The following PHF20 variants were observed in gnomAD, a reference collection of about 807,000 sequenced individuals.
PHF20 encodes glioma-expressed antigen 2.
Under a neutral mutation model 113.5 loss-of-function variants are expected in PHF20, and 23 were observed. That is an observed-to-expected ratio of 0.20 (90% CI 0.15 to 0.29). The LOEUF (loss-of-function observed/expected upper bound fraction) is 0.29. Among genes scored for constraint, PHF20 ranks in the 10% least tolerant of loss-of-function variants. The pLI is 1.00. For missense variants in PHF20, 943 were observed against 1,219.6 expected, an observed-to-expected ratio of 0.77 and a Z score of 3.38; for synonymous variants, 434 against 457.3, an observed-to-expected ratio of 0.95 and a Z score of 0.65.
chr20:35,818,545 G>A (rs1050375973), intron 2 of PHF20, among the ~76,000 whole-genome samples: 1 of 151,762 alleles, frequency 6.6e-6, no homozygotes, highest in African/African-American at 2.4e-5. Context: ...CAGGTGCCTG[G>A]CCTAGCATTT....
chr20:35,784,433 C>CTTTTT (rs35002007), intron 1 of PHF20, among the ~76,000 whole-genome samples: 7 of 110,534 alleles, frequency 6.3e-5, no homozygotes, highest in East Asian at 2.7e-4. Flanking sequence ...ATCCCAAAGA[C>CTTTTT]TTTTTTTTTT....
chr20:35,818,113 G>A (rs1433050713), intron 2 of PHF20, among the ~76,000 whole-genome samples: 1 of 151,790 alleles, frequency 6.6e-6, no homozygotes, highest in Non-Finnish European at 1.5e-5. Context: ...GTGAAACTCC[G>A]TCTCTACTAA....
chr20:35,815,603 C>A (rs1443594747), intron 2 of PHF20, among the ~76,000 whole-genome samples: 11 of 152,108 alleles, frequency 7.2e-5, no homozygotes, highest in Admixed American at 5.9e-4. Flanking sequence ...GTAGCTGGGA[C>A]TACAGGCGCA....
intron 2 of PHF20, among the ~76,000 whole-genome samples, chr20:35,813,927 G>A (rs1391495388): frequency 4.0e-5 from 4 of 99,506 alleles, no homozygotes; most frequent in African/African-American, 9.1e-5. Flanking sequence ...GTGAGACTCC[G>A]TCTCAGAAAA....
intron 12 of PHF20, among the ~76,000 whole-genome samples, chr20:35,915,462 C>G (rs2055387473): frequency 6.6e-6 from 1 of 152,028 alleles, no homozygotes; most frequent in Non-Finnish European, 1.5e-5. Context: ...TCTTGGCTCA[C>G]TGCAACCTCT....
At position 35,918,400 on chromosome 20, in the gene PHF20, G is replaced by C. The variant is rs189822343; in HGVS notation, c.2004+738G>C. ...CAAATATTGTTGGGAAAATAGACTG[G>C]GTCCTAGGGCTCAGAGGCAGGGCTG... On this transcript the variant is annotated intron_variant, in intron 13 of 17. Transcript: ENST00000374012. 4.0e-3 allele frequency among the ~76,000 whole-genome samples: 616 copies of C among 152,214 alleles called. 5 individuals carry two copies. Among genetic ancestry groups the C allele is most frequent in the Non-Finnish European group, 6.4e-3 (433 of 68,002 alleles).
At chr20:35,835,905 G>T (rs1417141969) in intron 2 of PHF20, among the ~76,000 whole-genome samples, 6 of 152,032 alleles carry the variant, frequency 3.9e-5, no homozygotes. Context: ...ACTCCAGCCT[G>T]GGCAACAGCA....
intron 2 of PHF20, among the ~76,000 whole-genome samples, chr20:35,838,758 G>A (rs1272028971): frequency 6.6e-6 from 1 of 151,814 alleles, no homozygotes; most frequent in Non-Finnish European, 1.5e-5. Context: ...GGAGGCTGAC[G>A]CAGGAGGATA....
Position 35,919,015 on chromosome 20 carries a change from G to T in PHF20, c.2004+1353G>T, listed in dbSNP as rs541710833. 5.3e-4 allele frequency among the ~76,000 whole-genome samples: 81 copies of T among 151,966 alleles called. 2 individuals carry two copies. In the East Asian group the frequency reaches 8.3e-3, roughly 16 times the overall value. On this transcript the variant is annotated intron_variant, in intron 13 of 17. Transcript: ENST00000374012. The stretch of plus-strand genomic sequence containing the variant: ...CTGTAGGTTGGCATGGCATGGGTTT[G>T]GTTTTTTTTTTCTTTTTGAGACGGA...
At chr20:35,903,072 C>T (rs1204134354) in intron 10 of PHF20, among the ~76,000 whole-genome samples, 1 of 94,044 alleles carries the variant, frequency 1.1e-5, no homozygotes, top group Non-Finnish European at 2.0e-5. Flanking sequence ...CCTTTCCTAT[C>T]CTTTCTTTTT....
At chr20:35,889,702 TTC>T (rs1042634858) in intron 9 of PHF20, among the ~76,000 whole-genome samples, 7 of 146,152 alleles carry the variant, frequency 4.8e-5, no homozygotes, top group Admixed American at 4.1e-4. Context: ...ACCATGCATA[TTC>T]TGTTTCTTAA....
intron 9 of PHF20, among the ~76,000 whole-genome samples, chr20:35,887,269 A>G (rs1030435492): frequency 5.9e-5 from 9 of 152,176 alleles, no homozygotes; most frequent in Non-Finnish European, 1.3e-4. Flanking sequence ...TGACAGTATT[A>G]CCACAAATAC....
intron 1 of PHF20, among the ~76,000 whole-genome samples, chr20:35,786,933 A>C (rs546318648): frequency 6.7e-6 from 1 of 150,236 alleles, no homozygotes; most frequent in South Asian, 2.1e-4. Flanking sequence ...CCTCCATGTG[A>C]TTATCTTCTT....
chr20:35,781,010 C>T (rs189417015), intron 1 of PHF20, among the ~76,000 whole-genome samples: 63 of 151,896 alleles, frequency 4.1e-4, no homozygotes, highest in African/African-American at 1.4e-3. Flanking sequence ...TGTGCCAACA[C>T]GCCTGGCTAA....
chr20:35,898,222 G>A (rs1444813699), intron 9 of PHF20, among the ~76,000 whole-genome samples: 3 of 152,154 alleles, frequency 2.0e-5, no homozygotes, highest in East Asian at 1.9e-4. Context: ...AACAAAGTAC[G>A]TGTTGAAATC....
chr20:35,820,340 C>A (rs1220984066), intron 2 of PHF20, among the ~76,000 whole-genome samples: 3 of 151,766 alleles, frequency 2.0e-5, no homozygotes, highest in Non-Finnish European at 4.4e-5. Context: ...AGTCCCTGAT[C>A]TTTAGAAGCT....
intron 10 of PHF20, among the ~76,000 whole-genome samples, chr20:35,904,655 T>G (rs893022914): frequency 6.6e-6 from 1 of 152,042 alleles, no homozygotes; most frequent in African/African-American, 2.4e-5. Flanking sequence ...TTGGTAAGGT[T>G]GGGCAGAAGT....
intron 2 of PHF20, among the ~76,000 whole-genome samples, chr20:35,821,629 A>G (rs2042170876): frequency 6.6e-6 from 1 of 152,106 alleles, no homozygotes; most frequent in Non-Finnish European, 1.5e-5. Context: ...ACTTCACTCC[A>G]TCCCAGGTGA....
chr20:35,857,579 T>TTG (rs2042859022), intron 4 of PHF20, among the ~76,000 whole-genome samples: 1 of 142,704 alleles, frequency 7.0e-6, no homozygotes, highest in South Asian at 2.3e-4. Context: ...TTTTTTTTTT[T>TTG]TTTTTTTGTT....
Sources: gnomAD v4.1 joint callset for allele counts (sites outside exome capture counted in the v4.1 genomes callset) on GRCh38, gnomAD v4.1.1 for gene constraint, MANE v1.5 for transcripts, NCBI Gene and HGNC (gene_info 2026-07-23, HGNC 2026-07-21) for gene names.